Variants in NRG3 observed in about 807,000 individuals in gnomAD.
NRG3 encodes neuregulin 3.
In NRG3, 31 loss-of-function variants were observed where a neutral mutation model predicts 66.9. The ratio of observed to expected loss-of-function variants is 0.46; its 90% CI spans 0.35 to 0.63. The LOEUF is 0.63. NRG3 is among the 20% of genes least tolerant of loss of function. The probability of loss-of-function intolerance (pLI) is 0.00; values close to 1 mark genes in which losing one functional copy is unlikely to be tolerated. For synonymous variants in NRG3, 393 were observed against 359.4 expected (o/e 1.09, Z -1.06); for missense variants, 910 against 878.9 (o/e 1.04, Z -0.45).
intron 1 of NRG3, among the ~76,000 whole-genome samples, chr10:82,345,985 A>G (rs1169380875): frequency 6.6e-6 from 1 of 152,190 alleles, no homozygotes; most frequent in African/African-American, 2.4e-5. Flanking sequence ...GCGGTTTTCT[A>G]GATATACAAT....
chr10:82,383,019 T>C (rs2085725105), intron 2 of NRG3, among the ~76,000 whole-genome samples: 1 of 151,992 alleles, frequency 6.6e-6, no homozygotes, highest in African/African-American at 2.4e-5. Context: ...TTACATTAGA[T>C]ATCAGTTGGC....
At chr10:82,331,235 T>C (rs1374698519) in intron 1 of NRG3, among the ~76,000 whole-genome samples, 1 of 152,140 alleles carries the variant, frequency 6.6e-6, no homozygotes, top group Non-Finnish European at 1.5e-5. Flanking sequence ...CTTCTCTCTT[T>C]TTATTCTTGG....
At chr10:81,967,751 A>G (rs1369804699) in intron 1 of NRG3, among the ~76,000 whole-genome samples, 1 of 152,102 alleles carries the variant, frequency 6.6e-6, no homozygotes, top group African/African-American at 2.4e-5. Flanking sequence ...AGAATTTTCC[A>G]TGTTGTTTAA....
chr10:82,061,222 G>T (rs369611936), intron 1 of NRG3, among the ~76,000 whole-genome samples: 1 of 152,004 alleles, frequency 6.6e-6, no homozygotes, highest in African/African-American at 2.4e-5. Context: ...GTGGTGGCGG[G>T]TGCCTGTAAT....
chr10:82,621,455 G>T (rs776890820), intron 2 of NRG3, among the ~76,000 whole-genome samples: 18 of 152,178 alleles, frequency 1.2e-4, no homozygotes, highest in Non-Finnish European at 1.9e-4. Context: ...AGTTTATGGA[G>T]GTGTGATGAA....
intron 4 of NRG3, among the ~76,000 whole-genome samples, chr10:82,942,474 C>G (rs1313947682): frequency 6.6e-6 from 1 of 152,204 alleles, no homozygotes; most frequent in East Asian, 1.9e-4. Context: ...ATCATGCTAG[C>G]CAATAAGTGT....
intron 2 of NRG3, among the ~76,000 whole-genome samples, chr10:82,610,864 T>A (rs1358800629): frequency 1.3e-5 from 2 of 152,248 alleles, no homozygotes; most frequent in African/African-American, 2.4e-5. Context: ...TGGTTTTTAA[T>A]GACTGTGTTG....
intron 3 of NRG3, among the ~76,000 whole-genome samples, chr10:82,809,049 G>A (rs1246516401): frequency 6.6e-6 from 1 of 152,132 alleles, no homozygotes; most frequent in African/African-American, 2.4e-5. Flanking sequence ...GAGAGGAGGC[G>A]ATGGTGGGAT....
intron 2 of NRG3, among the ~76,000 whole-genome samples, chr10:82,673,639 A>G (rs997391210): frequency 1.3e-5 from 2 of 152,138 alleles, no homozygotes; most frequent in Non-Finnish European, 2.9e-5. Context: ...GTCTACCAGG[A>G]GAGAGCACAC....
rs1373028850 is a variant in NRG3 at position 82,064,715 on chromosome 10, T to G, written c.823+188552T>G. 3.3e-5 allele frequency among the ~76,000 whole-genome samples: 5 copies of G among 152,138 alleles called. 1 individual carries two copies. Among genetic ancestry groups the G allele is most frequent in the African/African-American group, 7.2e-5 (3 of 41,424 alleles). On this transcript the variant is annotated intron_variant, in intron 1 of 8. Transcript: ENST00000372141. ...GCCCCAAAAGTTCCTGAAGTTCTGG[T>G]AAGTGCTGATGGAAGGGGTGACCCA...
At chr10:82,874,517 T>C (rs1378745879) in intron 4 of NRG3, among the ~76,000 whole-genome samples, 1 of 152,086 alleles carries the variant, frequency 6.6e-6, no homozygotes, top group Admixed American at 6.6e-5. Flanking sequence ...TGGATATATA[T>C]GCATAGATGT....
At chr10:82,193,542 G>T (rs2074279959) in intron 1 of NRG3, among the ~76,000 whole-genome samples, 1 of 152,204 alleles carries the variant, frequency 6.6e-6, no homozygotes, top group African/African-American at 2.4e-5. Context: ...AAAATTGTCA[G>T]TGTCTGGGTA....
rs183928077 is a variant in NRG3 at position 81,920,872 on chromosome 10, G to A, written c.823+44709G>A. Among the ~76,000 whole-genome samples, 176 of 152,032 alleles carry A rather than the reference G, an allele frequency of 1.2e-3. 1 individual carries two copies. The highest frequency in any genetic ancestry group is 0.01 in the Middle Eastern group (3 of 294). ...GAAATTAATTGTATAGAACAGAACA[G>A]GATTCCTTTGTTCATTTTTATATAT... On this transcript the variant is annotated intron_variant, in intron 1 of 8. Transcript: ENST00000372141.
intron 3 of NRG3, among the ~76,000 whole-genome samples, chr10:82,805,806 A>G (rs2061254934): frequency 1.3e-5 from 2 of 152,182 alleles, no homozygotes. Context: ...ATGGTCCTAT[A>G]GTCTCTAAAT....
At chr10:82,020,315 T>A (rs2062003010) in intron 1 of NRG3, among the ~76,000 whole-genome samples, 1 of 152,152 alleles carries the variant, frequency 6.6e-6, no homozygotes, top group Non-Finnish European at 1.5e-5. Context: ...CTGCCTTGTT[T>A]AATTCCTTGA....
intron 3 of NRG3, among the ~76,000 whole-genome samples, chr10:82,806,668 T>C (rs2061297628): frequency 6.6e-6 from 1 of 152,122 alleles, no homozygotes; most frequent in African/African-American, 2.4e-5. Context: ...AGTATATAAA[T>C]CCGGAGTGGC....
chr10:82,102,019 A>ATG (rs71007295), intron 1 of NRG3, among the ~76,000 whole-genome samples: 1 of 143,844 alleles, frequency 7.0e-6, no homozygotes, highest in Non-Finnish European at 1.5e-5. Context: ...ATATATATAT[A>ATG]CGCACACATA....
Position 82,985,961 on chromosome 10 carries a change from GA to G in NRG3, c.*357del, listed in dbSNP as rs1853406284. 1 of 190,248 alleles carries G rather than the reference GA, an allele frequency of 5.3e-6. No individual in the cohort carries two copies. The highest frequency in any genetic ancestry group is 1.1e-5 in the Non-Finnish European group (1 of 92,380). 11.8% of individuals were successfully genotyped at this position (190,248 alleles called of 1,614,324 possible). ...CAGTTACCTGGTTTCAAAAAGAGGA[GA>G]GCTGCATCCCGCAGGTGGATGCACC... is the stretch of plus-strand genomic sequence containing the variant. On this transcript the variant is annotated 3_prime_UTR_variant, in exon 9 of 9. Transcript: ENST00000372141.
At chr10:82,617,007 C>T (rs1276740556) in intron 2 of NRG3, among the ~76,000 whole-genome samples, 1 of 152,164 alleles carries the variant, frequency 6.6e-6, no homozygotes, top group African/African-American at 2.4e-5. Flanking sequence ...AAACATATTT[C>T]TGGGCATACG....
Sources: gnomAD v4.1 joint callset for allele counts (sites outside exome capture counted in the v4.1 genomes callset) on GRCh38, gnomAD v4.1.1 for gene constraint, MANE v1.5 for transcripts, NCBI Gene and HGNC (gene_info 2026-07-23, HGNC 2026-07-21) for gene names.